Variants in RPS19 observed in about 807,000 individuals in gnomAD.
RPS19 encodes the protein ribosomal protein S19.
RPS19 carries 1 observed loss-of-function variant against 20.3 expected under a neutral mutation model. The observed-to-expected ratio is 0.05, with a 90% CI of 0.02 to 0.23. The LOEUF (loss-of-function observed/expected upper bound fraction) is 0.23, where lower values mean the gene tolerates loss of function less well. Ranked by LOEUF, RPS19 falls within the 10% of genes least tolerant of loss-of-function variation. The probability of loss-of-function intolerance (pLI) is 1.00; values close to 1 mark genes in which losing one functional copy is unlikely to be tolerated. For missense variants in RPS19, 111 were observed against 192.7 expected (o/e 0.58, Z 2.51); for synonymous variants, 87 against 74.8 (o/e 1.16, Z -0.84).
chr19:41,861,034 T>C, intron 2 of RPS19, 78 bp from the exon 3 acceptor site: 2 of 1,188,984 alleles, frequency 1.7e-6, no homozygotes, highest in Non-Finnish European at 2.5e-6. Flanking sequence ...CATAGTTGTG[T>C]TGAGGGGAGG....
At chr19:41,869,672 G>A in intron 4 of RPS19, 27 bp from the exon 5 acceptor site, 1 of 1,612,438 alleles carries the variant, frequency 6.2e-7, no homozygotes, top group Non-Finnish European at 8.5e-7. Context: ...GCTCACTGGG[G>A]CCTGCATGAC....
intron 5 of RPS19, among the ~76,000 whole-genome samples, chr19:41,870,848 CCTTTTTTTT>C (rs1357553388): frequency 0.023 from 1,941 of 85,732 alleles, 111 homozygotes; most frequent in African/African-American, 0.08. Flanking sequence ...CCACTCCCTT[CCTTTTTTTT>C]TTTTTTTTTT....
intron 3 of RPS19, 155 bp downstream of exon 3, chr19:41,861,367 A>G (rs1167982407): frequency 1.5e-6 from 1 of 662,990 alleles, no homozygotes; most frequent in Non-Finnish European, 2.7e-6. Flanking sequence ...GACATTCGAT[A>G]ACTTGGTACT....
At chr19:41,870,348 G>T (rs2074134071) in intron 5 of RPS19, among the ~76,000 whole-genome samples, 1 of 152,170 alleles carries the variant, frequency 6.6e-6, no homozygotes, top group South Asian at 2.1e-4. Flanking sequence ...AGGTCAGCCT[G>T]CGATGTTTCC....
At chr19:41,863,692 A>T (rs886869201) in intron 3 of RPS19, among the ~76,000 whole-genome samples, 1 of 152,036 alleles carries the variant, frequency 6.6e-6, no homozygotes, top group South Asian at 2.1e-4. Flanking sequence ...AATGGAGCAG[A>T]GCTGTAGGAG....
chr19:41,868,940 A>G, intron 3 of RPS19, 91 bp from the exon 4 acceptor site: 1 of 1,338,216 alleles, frequency 7.5e-7, no homozygotes, highest in Non-Finnish European at 1.1e-6. Context: ...CCTTCTTATA[A>G]AACAGTGAGA....
At chr19:41,870,128 GC>G (rs2074131624) in intron 5 of RPS19, among the ~76,000 whole-genome samples, 1 of 152,118 alleles carries the variant, frequency 6.6e-6, no homozygotes, top group South Asian at 2.1e-4. Flanking sequence ...TGTAATCTCA[GC>G]TACTGGGGAG....
chr19:41,862,027 C>G (rs1164492932), intron 3 of RPS19, among the ~76,000 whole-genome samples: 1 of 117,832 alleles, frequency 8.5e-6, no homozygotes, highest in African/African-American at 2.7e-5. Flanking sequence ...AGCCTTAGCA[C>G]CGACCTTCAC....
intron 3 of RPS19, among the ~76,000 whole-genome samples, chr19:41,867,266 C>CAA (rs113748599): frequency 7.0e-5 from 9 of 128,034 alleles, no homozygotes; most frequent in East Asian, 2.3e-4. Flanking sequence ...GCCCTGTCTC[C>CAA]AAAAAAAAAA....
chr19:41,866,839 AC>A (rs1294345682), intron 3 of RPS19, among the ~76,000 whole-genome samples: 1 of 151,002 alleles, frequency 6.6e-6, no homozygotes, highest in Non-Finnish European at 1.5e-5. Context: ...ACACGGTGAA[AC>A]CCCGTCTCTA....
rs2074158371 is a variant in RPS19, at chr19:41,872,350, T to G, written c.*973T>G. On this transcript the variant is annotated 3_prime_UTR_variant, in exon 6 of 6. Transcript: ENST00000598742. The stretch of plus-strand genomic sequence containing the variant: ...ATCTCCCAGGATTCCCCTGTCCAAA[T>G]TATTCCTGGGATCTGACCCATTTCC... 1.3e-5 allele frequency: 2 copies of G among 152,288 alleles called. No homozygotes were observed. 9.4% of individuals were successfully genotyped at this position (152,288 alleles called of 1,614,324 possible).
At position 41,866,998 on chromosome 19, in the gene RPS19, CAG is replaced by C. The variant is rs564868283; in HGVS notation, c.173-2030_173-2029del. On this transcript the variant is annotated intron_variant, in intron 3 of 5. Coordinates refer to ENST00000598742, the MANE Select transcript of RPS19 (RefSeq NM_001022.4). ...CGCCACTGCACTCCAGCCTGGGCGACAGAGCGAGAGACTCCATCTCAGAAAAA... is the reference window on the plus strand; with the variant it reads ...CGCCACTGCACTCCAGCCTGGGCGACAGCGAGAGACTCCATCTCAGAAAAA... 4.6e-3 allele frequency among the ~76,000 whole-genome samples: 693 copies of C among 150,840 alleles called. 7 individuals are homozygous for C. The highest frequency in any genetic ancestry group is 0.012 in the African/African-American group (479 of 40,992).
At chr19:41,863,131 C>T (rs1007048768) in intron 3 of RPS19, among the ~76,000 whole-genome samples, 1 of 152,184 alleles carries the variant, frequency 6.6e-6, no homozygotes, top group Non-Finnish European at 1.5e-5. Flanking sequence ...GATCCTCCTG[C>T]CCCACCCTCC....
rs782495262 is a variant in RPS19 at position 41,869,012 on chromosome 19, C to T, written c.173-19C>T. On this transcript the variant is annotated intron_variant, in intron 3 of 5. Coordinates refer to ENST00000598742, the MANE Select transcript of RPS19 (RefSeq NM_001022.4). ...ACCTTGATCAAGACCCTTAAATCTC[C>T]CTCTCACACTACCCCCAGCTTCCAC... The T allele has an allele frequency of 1.2e-6, 2 of 1,612,708 alleles. No homozygotes were observed. Among genetic ancestry groups the T allele is most frequent in the South Asian group, 2.2e-5 (2 of 91,060 alleles).
At chr19:41,860,477 C>T (rs2074016141) in intron 1 of RPS19, 188 bp downstream of exon 1, 1 of 454,304 alleles carries the variant, frequency 2.2e-6, no homozygotes, top group South Asian at 2.1e-5. Context: ...AGCGTGGGCC[C>T]CGGGGGGCAG....
At chr19:41,867,504 G>A (rs1421448073) in intron 3 of RPS19, among the ~76,000 whole-genome samples, 2 of 152,092 alleles carry the variant, frequency 1.3e-5, no homozygotes, top group Non-Finnish European at 2.9e-5. Flanking sequence ...TAGAGATGGG[G>A]TTTCACCATG....
intron 3 of RPS19, among the ~76,000 whole-genome samples, chr19:41,868,074 C>G (rs1398700116): frequency 6.6e-6 from 1 of 152,194 alleles, no homozygotes; most frequent in African/African-American, 2.4e-5. Context: ...AATTCCCCCA[C>G]TTGATCTTTA....
chr19:41,870,849 C>CTT (rs35987051), intron 5 of RPS19, among the ~76,000 whole-genome samples: 732 of 43,950 alleles, frequency 0.017, 50 homozygotes, highest in East Asian at 0.043. Context: ...CACTCCCTTC[C>CTT]TTTTTTTTTT....
intron 3 of RPS19, among the ~76,000 whole-genome samples, chr19:41,867,302 T>C (rs2074100828): frequency 6.6e-6 from 1 of 151,492 alleles, no homozygotes; most frequent in Non-Finnish European, 1.5e-5. Context: ...GCATATATCC[T>C]ATGTAGATGT....
Sources: allele counts gnomAD v4.1 joint callset (sites outside exome capture counted in the v4.1 genomes callset), GRCh38; gene constraint gnomAD v4.1.1; transcripts MANE v1.5; gene names NCBI Gene and HGNC (gene_info 2026-07-23, HGNC 2026-07-21).